Variants in ZSCAN10 observed in about 807,000 individuals in gnomAD.
ZSCAN10 encodes zinc finger and SCAN domain-containing protein 10.
Under a neutral mutation model 63.7 loss-of-function variants are expected in ZSCAN10, and 52 were observed. The ratio of observed to expected loss-of-function variants is 0.82; its 90% CI spans 0.65 to 1.03. ZSCAN10 has a LOEUF of 1.03. Ranked by LOEUF, ZSCAN10 falls within the 50% of genes least tolerant of loss-of-function variation. ZSCAN10 has a pLI of 0.00. For missense variants in ZSCAN10, 1,223 were observed against 1,103.8 expected, an observed-to-expected ratio of 1.11 and a Z score of -1.53; for synonymous variants, 544 against 479.6, an observed-to-expected ratio of 1.13 and a Z score of -1.76.
At position 3,090,266 on chromosome 16, in the gene ZSCAN10, T is replaced by C. The variant is rs1302817981; in HGVS notation, c.1168A>G (p.Ile390Val). 2 of 1,608,716 alleles carry C rather than the reference T, an allele frequency of 1.2e-6. No individual in the cohort carries two copies. Among genetic ancestry groups the C allele is most frequent in the Admixed American group, 1.7e-5 (1 of 59,826 alleles). Residue 390 changes from isoleucine (I) to valine (V), a missense_variant, in exon 6 of 6, where the codon ATT becomes GTT. Physicochemically the swap from Ile to Val is conservative, Grantham distance 29. Coordinates refer to ENST00000576985, the MANE Select transcript of ZSCAN10 (RefSeq NM_032805.3). ...TGAGTGCGCATGTGCAGCTTGAGAA[T>C]GGAGCTGCGGCCGAAGCTCTTCCCG... ...CCGKSFGRSSILKLHMRTHTD... is the reference protein window; with the variant it reads ...CCGKSFGRSSVLKLHMRTHTD...
chr16:3,090,505 C>G lies in ZSCAN10; in HGVS notation c.929G>C (p.Arg310Pro). 4 of 1,613,212 alleles carry G rather than the reference C, an allele frequency of 2.5e-6. No individual in the cohort carries two copies. The highest frequency in any genetic ancestry group is 3.4e-6 in the Non-Finnish European group (4 of 1,179,710). The change falls in exon 6 of 6, where the codon CGG becomes CCG. Residue 310 changes from arginine to proline, a missense_variant. Coordinates refer to ENST00000576985, the MANE Select transcript of ZSCAN10 (RefSeq NM_032805.3). Reference protein sequence around the residue: ...PGEPCAQSLGRGAAASGPGED... With the variant: ...PGEPCAQSLGPGAAASGPGED... The stretch of plus-strand genomic sequence containing the variant: ...ACCAGGGCCGCTAGCCGCAGCGCCC[C>G]GTCCGAGCGACTGGGCGCAAGGCTC...
At position 3,091,908 on chromosome 16, in the gene ZSCAN10, G is replaced by A. The variant is rs758685684; in HGVS notation, c.665-80C>T. The A allele has an allele frequency of 5.3e-5, 85 of 1,593,332 alleles. 2 individuals carry two copies. In the South Asian group the frequency reaches 6.7e-4, roughly 13 times the overall value. ...CCATATGGCTGCAAGGACACACACCGCATCATCCGGGCCCTGTGAAGACAC... is the reference window on the plus strand; with the variant it reads ...CCATATGGCTGCAAGGACACACACCACATCATCCGGGCCCTGTGAAGACAC... On this transcript the variant is annotated intron_variant, in intron 3 of 5. Coordinates refer to ENST00000576985, the MANE Select transcript of ZSCAN10 (RefSeq NM_032805.3).
At position 3,090,665 on chromosome 16, in the gene ZSCAN10, C is replaced by T; in HGVS notation, c.788-19G>A. On this transcript the variant is annotated intron_variant, in intron 5 of 5. Transcript: ENST00000576985. ...CCGAATCCTGGGAAACAAGACAAAA[C>T]AGGGACGGTCAGGCCTATTCCCAGG... 1.3e-6 allele frequency: 2 copies of T among 1,512,908 alleles called. No homozygotes were observed. The highest frequency in any genetic ancestry group is 2.3e-5 in the East Asian group (1 of 43,858). 93.7% of individuals were successfully genotyped at this position (1,512,908 alleles called of 1,614,324 possible).
rs1270671739 is a variant in ZSCAN10, at chr16:3,089,831, C to T, written c.1603G>A (p.Glu535Lys). The change falls in exon 6 of 6, where the codon GAG becomes AAG. Residue 535 changes from glutamate to lysine, a missense_variant. Transcript: ENST00000576985. ...ACCCTCCGGTGGGCCACCAGGTGCT[C>T]GCTGCGCCGGAAGGCCTTGCCGCAG... is the stretch of plus-strand genomic sequence containing the variant. ...SDCGKAFRRSEHLVAHRRVHT... is the reference protein window; with the variant it reads ...SDCGKAFRRSKHLVAHRRVHT... The T allele has an allele frequency of 7.0e-6, 11 of 1,560,998 alleles. No homozygotes were observed. The highest frequency in any genetic ancestry group is 3.4e-5 in the South Asian group (3 of 86,962).
chr16:3,098,478 CAG>C (rs1464563461), intron 1 of ZSCAN10, among the ~76,000 whole-genome samples: 2 of 152,010 alleles, frequency 1.3e-5, no homozygotes, highest in Non-Finnish European at 2.9e-5. Context: ...CAGCATGAAA[CAG>C]AAAAAAAATG....
intron 1 of ZSCAN10, 136 bp from the exon 2 acceptor site, chr16:3,093,140 C>G (rs1957109392): frequency 3.5e-6 from 2 of 567,278 alleles, no homozygotes; most frequent in Non-Finnish European, 5.3e-6. Context: ...CTCACGAGGG[C>G]AGGACAGCCC....
At chr16:3,091,939 C>T (rs983812337) in intron 3 of ZSCAN10, 110 bp downstream of exon 3, 25 of 1,590,752 alleles carry the variant, frequency 1.6e-5, no homozygotes, top group African/African-American at 2.7e-5. Context: ...GACACCTTGG[C>T]GCTCTCCTGT....
At chr16:3,096,707 C>T (rs970372129) in intron 1 of ZSCAN10, among the ~76,000 whole-genome samples, 14 of 152,110 alleles carry the variant, frequency 9.2e-5, no homozygotes, top group Non-Finnish European at 1.6e-4. Flanking sequence ...GTGGATGGAT[C>T]ACCTGAGGTC....
Position 3,090,355 on chromosome 16 carries a change from G to C in ZSCAN10, c.1079C>G (p.Ser360Cys). 1.2e-6 allele frequency: 2 copies of C among 1,612,098 alleles called. No individual in the cohort carries two copies. Among genetic ancestry groups the C allele is most frequent in the Non-Finnish European group, 1.7e-6 (2 of 1,179,214 alleles). The change falls in exon 6 of 6, where the codon TCT becomes TGT. Residue 360 changes from serine to cysteine, a missense_variant. Physicochemically the swap from Ser to Cys is moderately radical, Grantham distance 112. Coordinates refer to ENST00000576985, the MANE Select transcript of ZSCAN10 (RefSeq NM_032805.3). Reference protein sequence around the residue: ...ADCGVSFPQLSRLKAHQLRSH... With the variant: ...ADCGVSFPQLCRLKAHQLRSH... The stretch of plus-strand genomic sequence containing the variant: ...GCGCAGCTGGTGCGCCTTCAGGCGA[G>C]ACAGCTGCGGGAAGCTCACCCCGCA...
intron 1 of ZSCAN10, among the ~76,000 whole-genome samples, chr16:3,098,695 C>T (rs748882804): frequency 6.6e-5 from 10 of 152,206 alleles, no homozygotes; most frequent in Non-Finnish European, 1.5e-4. Flanking sequence ...CAGGCAGAGG[C>T]TCTACAGCCA....
At chr16:3,094,666 A>G (rs1394185321) in intron 1 of ZSCAN10, among the ~76,000 whole-genome samples, 2 of 152,018 alleles carry the variant, frequency 1.3e-5, no homozygotes, top group Admixed American at 1.3e-4. Context: ...TTTAGATCCA[A>G]CTTCCAATGT....
intron 1 of ZSCAN10, among the ~76,000 whole-genome samples, chr16:3,096,676 C>T (rs57488045): frequency 0.056 from 8,507 of 152,184 alleles, 297 homozygotes; most frequent in East Asian, 0.13. Flanking sequence ...GCCTGTAATC[C>T]CAGCAGTGTG....
rs763577767 is a variant in ZSCAN10, at chr16:3,090,084, G to A, written c.1350C>T (p.His450=). ...GFQRRASLVQ[H]LLAHAQDQKP... is the part of the protein sequence containing the mutation. ...TCTGGTCCTGGGCGTGCGCCAGCAG[G>A]TGCTGCACAAGGCTGGCGCGGCGCT... The change falls in exon 6 of 6, where the codon CAC becomes CAT. Residue 450 remains histidine (H), a synonymous_variant. Transcript: ENST00000576985. 1.2e-6 allele frequency: 2 copies of A among 1,605,018 alleles called. No homozygotes were observed. Among genetic ancestry groups the A allele is most frequent in the East Asian group, 2.2e-5 (1 of 44,864 alleles).
rs1957106660 is a variant in ZSCAN10 at position 3,092,995 on chromosome 16, C to T, written c.-58G>A. 7 of 1,384,516 alleles carry T rather than the reference C, an allele frequency of 5.1e-6. No individual in the cohort carries two copies. Among genetic ancestry groups the T allele is most frequent in the Non-Finnish European group, 6.5e-6 (7 of 1,072,782 alleles). The allele number at this position is 1,384,516 out of a possible 1,614,324, so 85.8% of individuals were successfully genotyped here. On this transcript the variant is annotated 5_prime_UTR_variant, in exon 2 of 6. Coordinates refer to ENST00000576985, the MANE Select transcript of ZSCAN10 (RefSeq NM_032805.3). ...CCCCGCTCTTGGGTCTCTCTCCTCT[C>T]CTCCCACACCTGCGAAGGTGAACAC...
At chr16:3,091,887 A>C in intron 3 of ZSCAN10, 59 bp from the exon 4 acceptor site, 1 of 1,590,926 alleles carries the variant, frequency 6.3e-7, no homozygotes, top group Non-Finnish European at 8.6e-7. Context: ...TGCCTGCCAT[A>C]TGGCTGCAAG....
intron 3 of ZSCAN10, 71 bp downstream of exon 3, chr16:3,091,978 C>T (rs1297294489): frequency 1.8e-5 from 28 of 1,562,016 alleles, no homozygotes; most frequent in Non-Finnish European, 2.3e-5. Context: ...CCCCACTTCT[C>T]ACCCCACCCC....
chr16:3,092,379 G>A, intron 2 of ZSCAN10, 63 bp from the exon 3 acceptor site: 1 of 1,537,510 alleles, frequency 6.5e-7, no homozygotes, highest in Non-Finnish European at 8.8e-7. Flanking sequence ...TGACTCCGAG[G>A]GGACATGGGA....
In ZSCAN10 at chr16:3,090,591, C is replaced by T. The variant is rs2151215011; in HGVS notation, c.843G>A (p.Gly281=). The change falls in exon 6 of 6, where the codon GGG becomes GGA. Residue 281 remains glycine, a synonymous_variant. Coordinates refer to ENST00000576985, the MANE Select transcript of ZSCAN10 (RefSeq NM_032805.3). The stretch of plus-strand genomic sequence containing the variant: ...CTAAGATGGGAGTGGGCCAGGCAGC[C>T]CCTTTGGGCTCTTCTTGTTTAAATT... The part of the protein sequence containing the change: ...KEEFKQEEPK[G]AAWPTPILAE... 1.3e-6 allele frequency: 2 copies of T among 1,563,102 alleles called. No homozygotes were observed. The highest frequency in any genetic ancestry group is 2.3e-5 in the East Asian group (1 of 44,086).
At chr16:3,098,898 C>T (rs145686840) in intron 1 of ZSCAN10, among the ~76,000 whole-genome samples, 3,449 of 152,290 alleles carry the variant, frequency 0.023, 140 homozygotes, top group African/African-American at 0.078. Context: ...CCTCCCTCCG[C>T]GTGCTGGGCT....
Sources: gnomAD v4.1 joint callset for allele counts (sites outside exome capture counted in the v4.1 genomes callset) on GRCh38, gnomAD v4.1.1 for gene constraint, MANE v1.5 for transcripts, NCBI Gene and HGNC (gene_info 2026-07-23, HGNC 2026-07-21) for gene names.